Variants in ZNF34 observed in about 807,000 individuals in gnomAD.
ZNF34 encodes zinc finger protein 34 (KOX 32).
ZNF34 carries 8 observed loss-of-function variants against 14.4 expected under a neutral mutation model. That is an observed-to-expected ratio of 0.55 (90% CI 0.33 to 1.00). The LOEUF (loss-of-function observed/expected upper bound fraction) is 1.00. Ranked by LOEUF, ZNF34 falls within the 50% of genes least tolerant of loss-of-function variation. The pLI is 0.03. For synonymous variants in ZNF34, 235 were observed against 247.9 expected (o/e 0.95, Z 0.49); for missense variants, 538 against 674.2 (o/e 0.80, Z 2.24).
rs765588979 is a variant in ZNF34, at chr8:144,774,435, C to G, written c.451G>C (p.Gly151Arg). 6.2e-7 allele frequency: 1 copy of G among 1,613,992 alleles called. No homozygotes were observed. The highest frequency in any genetic ancestry group is 8.5e-7 in the Non-Finnish European group (1 of 1,179,890). Residue 151 changes from glycine (G) to arginine (R), a missense_variant, in exon 6 of 6, where the codon GGG becomes CGG. Gly to Arg is a moderately radical substitution (Grantham distance 125). This residue lies in a region of ZNF34 where 431 missense variants were observed against 525.7 expected (regional missense o/e 0.82). Coordinates refer to ENST00000429371, the MANE Select transcript of ZNF34 (RefSeq NM_001286769.2). ...RGPRAVTLTN[G>R]ESSRESGGNL... Reference sequence around the variant, plus strand: ...CCCCCAGACTCCCTGCTGCTCTCCCCGTTGGTCAGTGTGACTGCCCTGGGG... The same window carrying G: ...CCCCCAGACTCCCTGCTGCTCTCCCGGTTGGTCAGTGTGACTGCCCTGGGG...
intron 1 of ZNF34, among the ~76,000 whole-genome samples, chr8:144,780,703 C>T (rs892973330): frequency 3.4e-5 from 5 of 149,178 alleles, no homozygotes; most frequent in African/African-American, 7.4e-5. Flanking sequence ...GCAGGAGAAT[C>T]GCTTGAACCC....
intron 3 of ZNF34, 37 bp from the exon 4 acceptor site, chr8:144,778,201 C>T (rs948158035): frequency 1.9e-6 from 3 of 1,591,330 alleles, no homozygotes; most frequent in Admixed American, 3.5e-5. Flanking sequence ...CAGGTGTGGT[C>T]CAGAGTGGGC....
rs114873495 is a variant in ZNF34, at chr8:144,775,296, C to T, written c.281-691G>A. The stretch of plus-strand genomic sequence containing the variant: ...ACTACTACAGGAGCCTATGCTGGAG[C>T]TGCTGCTTTGGAGGACGGCTTGGCA... On this transcript the variant is annotated intron_variant, in intron 5 of 5. Transcript: ENST00000429371. Among the ~76,000 whole-genome samples, 298 of 152,324 alleles carry T rather than the reference C, an allele frequency of 2.0e-3. 1 individual carries two copies. Among genetic ancestry groups the T allele is most frequent in the African/African-American group, 6.9e-3 (286 of 41,566 alleles).
At chr8:144,775,383 G>A (rs879056450) in intron 5 of ZNF34, among the ~76,000 whole-genome samples, 8 of 152,170 alleles carry the variant, frequency 5.3e-5, no homozygotes, top group Non-Finnish European at 8.8e-5. Context: ...AGGTACACAC[G>A]CGCCAGAAAT....
In ZNF34 at chr8:144,778,019, G is replaced by A; in HGVS notation, c.160+19C>T. The A allele has an allele frequency of 6.2e-7, 1 of 1,613,312 alleles. No individual in the cohort carries two copies. Among genetic ancestry groups the A allele is most frequent in the East Asian group, 2.2e-5 (1 of 44,868 alleles). On this transcript the variant is annotated intron_variant, in intron 4 of 5. Transcript: ENST00000429371. ...CCCCCAGGGCTGTTCCCAGAGCTGA[G>A]TTCTGGTGAGGGCCTTACCCAGTGA...
chr8:144,776,397 T>C (rs2953859), intron 5 of ZNF34, among the ~76,000 whole-genome samples: 93,134 of 150,324 alleles, frequency 0.62, 30,580 homozygotes, highest in African/African-American at 0.86. Context: ...CCCAGGGGTT[T>C]GAGACCAGCC....
intron 1 of ZNF34, among the ~76,000 whole-genome samples, chr8:144,786,390 C>T (rs112824806): frequency 0.069 from 10,501 of 151,750 alleles, 1,199 homozygotes; most frequent in African/African-American, 0.24. Flanking sequence ...TCCCAGCACT[C>T]TGGGAGGCTG....
chr8:144,780,180 A>T, intron 2 of ZNF34, 48 bp downstream of exon 2: 1 of 1,471,970 alleles, frequency 6.8e-7, no homozygotes, highest in Non-Finnish European at 9.3e-7. Flanking sequence ...CTGGGCAACA[A>T]AGCAAAACCC....
At chr8:144,774,918 T>G (rs534185965) in intron 5 of ZNF34, among the ~76,000 whole-genome samples, 216 of 152,348 alleles carry the variant, frequency 1.4e-3, no homozygotes, top group Non-Finnish European at 2.5e-3. Flanking sequence ...GCTCAGAGAC[T>G]GATACCAGCA....
intron 1 of ZNF34, among the ~76,000 whole-genome samples, chr8:144,784,526 G>A (rs1426470469): frequency 1.3e-5 from 2 of 148,720 alleles, no homozygotes; most frequent in Non-Finnish European, 1.5e-5. Context: ...TTGGGAGGCC[G>A]AGGTGAGTGG....
Position 144,773,075 on chromosome 8 carries a change from C to T in ZNF34, c.*191G>A. On this transcript the variant is annotated 3_prime_UTR_variant, in exon 6 of 6. Transcript: ENST00000429371. This position sits in a 1 kb window ranked among gnomAD's most constrained non-coding sequence, Gnocchi z 5.4. The stretch of plus-strand genomic sequence containing the variant: ...ATCACAGAAGCTTCTTTTTTGCCCA[C>T]TTTTCTGTCTCAATTTCTCTAAAAT... 1 of 612,800 alleles carries T rather than the reference C, an allele frequency of 1.6e-6. No individual in the cohort carries two copies. The highest frequency in any genetic ancestry group is 2.5e-6 in the Non-Finnish European group (1 of 392,668). The allele number at this position is 612,800 out of a possible 1,614,324, so 38.0% of individuals were successfully genotyped here.
intron 1 of ZNF34, among the ~76,000 whole-genome samples, chr8:144,784,114 C>G (rs1348615539): frequency 1.4e-5 from 2 of 147,540 alleles, no homozygotes. Context: ...GAGCCGAGAT[C>G]ACACCACTGC....
In ZNF34 at chr8:144,773,876, G is replaced by T. The variant is rs1825323971; in HGVS notation, c.1010C>A (p.Thr337Asn). 3 of 1,613,966 alleles carry T rather than the reference G, an allele frequency of 1.9e-6. No individual in the cohort carries two copies. The highest frequency in any genetic ancestry group is 2.5e-6 in the Non-Finnish European group (3 of 1,180,020). ...SSLIYHQRIH[T>N]GEKPYKCNDC... Reference sequence around the variant, plus strand: ...ATTACATTTATAGGGTTTCTCTCCGGTGTGGATTCTCTGGTGATAAATCAG... The same window carrying T: ...ATTACATTTATAGGGTTTCTCTCCGTTGTGGATTCTCTGGTGATAAATCAG... The change falls in exon 6 of 6, where the codon ACC (threonine) becomes AAC (asparagine). Residue 337 changes from threonine to asparagine, a missense_variant. Thr to Asn is a moderately conservative substitution (Grantham distance 65, BLOSUM62 0). Transcript: ENST00000429371. This position sits in a 1 kb window ranked among gnomAD's most constrained non-coding sequence, Gnocchi z 5.4.
rs775635720 is a variant in ZNF34, at chr8:144,773,385, G to A, written c.1501C>T (p.Arg501Trp). The change falls in exon 6 of 6, where the codon CGG (arginine) becomes TGG (tryptophan). Residue 501 changes from arginine to tryptophan, a missense_variant. Physicochemically the swap from Arg to Trp is moderately radical, Grantham distance 101 (BLOSUM62 -3). Around this residue, in one of 3 missense-constraint regions of ZNF34, gnomAD observed 101 missense variants for 123.1 expected, o/e 0.82. Coordinates refer to ENST00000429371, the MANE Select transcript of ZNF34 (RefSeq NM_001286769.2). The surrounding 1 kb of genome is among the most constrained non-coding windows in gnomAD (Gnocchi z 5.4). The stretch of plus-strand genomic sequence containing the variant: ...GGCTTCTCCCCGGTGTGGATCCTCC[G>A]GTGCTGAATCAAGTACGTGCTCTGG... ...FSQSTYLIQH[R>W]RIHTGEKPYK... 10 of 1,613,854 alleles carry A rather than the reference G, an allele frequency of 6.2e-6. No individual in the cohort carries two copies. The highest frequency in any genetic ancestry group is 1.6e-4 in the Middle Eastern group (1 of 6,084).
At chr8:144,786,594 A>G (rs1172982002) in intron 1 of ZNF34, among the ~76,000 whole-genome samples, 1 of 151,826 alleles carries the variant, frequency 6.6e-6, no homozygotes, top group Non-Finnish European at 1.5e-5. Flanking sequence ...AGATCGCGCC[A>G]TCGTACTCCA....
At chr8:144,778,595 G>T (rs1825679549) in intron 2 of ZNF34, 70 bp from the exon 3 acceptor site, 1 of 1,310,232 alleles carries the variant, frequency 7.6e-7, no homozygotes, top group South Asian at 1.6e-5. Flanking sequence ...GCTACTTGGT[G>T]CTGCCATAAA....
intron 1 of ZNF34, among the ~76,000 whole-genome samples, chr8:144,781,995 G>A (rs1825917355): frequency 6.6e-6 from 1 of 151,890 alleles, no homozygotes; most frequent in African/African-American, 2.4e-5. Flanking sequence ...AGACCAGCCT[G>A]GCCAACATGG....
In ZNF34 at chr8:144,777,657, G is replaced by A; in HGVS notation, c.161-80C>T. On this transcript the variant is annotated intron_variant, in intron 4 of 5. Coordinates refer to ENST00000429371, the MANE Select transcript of ZNF34 (RefSeq NM_001286769.2). This position sits in a 1 kb window ranked among gnomAD's most constrained non-coding sequence, Gnocchi z 4.8. ...TGCTGTCTCACCCTGGGGCTGCAGG[G>A]TAAGGGAGGCACAGGCAGAGGGGGT... 1 of 1,497,538 alleles carries A rather than the reference G, an allele frequency of 6.7e-7. No individual in the cohort carries two copies. Among genetic ancestry groups the A allele is most frequent in the Non-Finnish European group, 9.0e-7 (1 of 1,114,378 alleles). The allele number at this position is 1,497,538 out of a possible 1,614,324, so 92.8% of individuals were successfully genotyped here.
chr8:144,779,997 TG>T lies in ZNF34; in HGVS notation c.-55+230del, dbSNP rs1825762179. 7.5e-6 allele frequency among the ~76,000 whole-genome samples: 1 copy of T among 134,028 alleles called. No homozygotes were observed. The highest frequency in any genetic ancestry group is 1.5e-5 in the Non-Finnish European group (1 of 64,772). The allele number at this position is 134,028 out of a possible 152,430, so 87.9% of individuals were successfully genotyped here. A position where few individuals can be genotyped will look rare whatever the true frequency, so the allele number is the denominator to read the frequency against. On this transcript the variant is annotated intron_variant, in intron 2 of 5. Coordinates refer to ENST00000429371, the MANE Select transcript of ZNF34 (RefSeq NM_001286769.2). The surrounding 1 kb of genome is among the most constrained non-coding windows in gnomAD (Gnocchi z 4.1). ...TGAGCCCAGGAATTTGAGACAAGCCTGGGCAACATAGGGAGACCTTAATGCT... is the reference window on the plus strand; with the variant it reads ...TGAGCCCAGGAATTTGAGACAAGCCTGGCAACATAGGGAGACCTTAATGCT...
Sources: gnomAD v4.1 joint callset for allele counts (sites outside exome capture counted in the v4.1 genomes callset) on GRCh38, gnomAD v4.1.1 for gene constraint, gnomAD v4.1.1 regional missense constraint, Gnocchi (gnomAD v3.1) non-coding constraint, MANE v1.5 for transcripts, NCBI Gene and HGNC (gene_info 2026-07-23, HGNC 2026-07-21) for gene names.